Variants in CSMD3 observed in about 807,000 individuals in gnomAD.
CSMD3 encodes CUB and Sushi multiple domains 3.
In CSMD3, 177 loss-of-function variants were observed where a neutral mutation model predicts 435.2. The ratio of observed to expected loss-of-function variants is 0.41; its 90% CI spans 0.36 to 0.46. The LOEUF is 0.46. Ranked by LOEUF, CSMD3 falls within the 20% of genes least tolerant of loss-of-function variation. The probability of loss-of-function intolerance (pLI) is 0.34; values close to 1 mark genes in which losing one functional copy is unlikely to be tolerated. For synonymous variants in CSMD3, 1,656 were observed against 1,520.5 expected, an observed-to-expected ratio of 1.09 and a Z score of -2.07; for missense variants, 4,265 against 4,504.6, an observed-to-expected ratio of 0.95 and a Z score of 1.52.
chr8:112,630,326 A>G (rs1173469022), intron 22 of CSMD3, among the ~76,000 whole-genome samples: 1 of 152,210 alleles, frequency 6.6e-6, no homozygotes, highest in African/African-American at 2.4e-5. Context: ...CTAGGAAAAA[A>G]GAGGTAACAC....
At chr8:113,123,586 G>A (rs972230568) in intron 4 of CSMD3, among the ~76,000 whole-genome samples, 2 of 151,994 alleles carry the variant, frequency 1.3e-5, no homozygotes, top group African/African-American at 4.8e-5. Context: ...TTTAGGCATA[G>A]GATCAAAACT....
In CSMD3 at chr8:112,263,901, G is replaced by A; in HGVS notation, c.9689-89C>T. The A allele has an allele frequency of 4.2e-6, 5 of 1,186,530 alleles. No individual in the cohort carries two copies. In the South Asian group the frequency reaches 5.0e-5, roughly 12 times the overall value. The allele number at this position is 1,186,530 out of a possible 1,614,324, so 73.5% of individuals were successfully genotyped here. Reference sequence around the variant, plus strand: ...ATAAATATCATTAGAAGAAGCACATGTGCTAATTTAACCTTTTCGAGGACA... The same window carrying A: ...ATAAATATCATTAGAAGAAGCACATATGCTAATTTAACCTTTTCGAGGACA... On this transcript the variant is annotated intron_variant, in intron 60 of 70. Transcript: ENST00000297405.
rs1024964702 is a variant in CSMD3 at position 112,817,059 on chromosome 8, G to A, written c.1859+12627C>T. The stretch of plus-strand genomic sequence containing the variant: ...CTTCTTTAAGATGTTTGCTCAATTC[G>A]ATGTCATCCAACGTTAGTGCATACT... On this transcript the variant is annotated intron_variant, in intron 12 of 70. Coordinates refer to ENST00000297405, the MANE Select transcript of CSMD3 (RefSeq NM_198123.2). Among the ~76,000 whole-genome samples the A allele has an allele frequency of 2.6e-5, 4 of 151,968 alleles. No individual in the cohort carries two copies. The East Asian group carries it at 5.8e-4, about 22-fold the overall frequency.
intron 1 of CSMD3, among the ~76,000 whole-genome samples, chr8:113,366,924 A>G (rs1254816924): frequency 2.0e-5 from 3 of 152,088 alleles, no homozygotes; most frequent in African/African-American, 7.2e-5. Flanking sequence ...TCTCTATAGT[A>G]TTTAAATATA....
chr8:112,312,825 A>ATAT (rs1822112988), intron 49 of CSMD3, among the ~76,000 whole-genome samples: 1 of 152,200 alleles, frequency 6.6e-6, no homozygotes, highest in Admixed American at 6.5e-5. Context: ...TCAAGAGTAT[A>ATAT]CTTTTTAGAA....
intron 1 of CSMD3, among the ~76,000 whole-genome samples, chr8:113,380,969 C>T (rs1297058856): frequency 1.3e-5 from 2 of 152,112 alleles, no homozygotes; most frequent in East Asian, 3.8e-4. Context: ...CTGCTTCTCA[C>T]TTCTTCCCTC....
chr8:112,543,641 G>T (rs1333990797), intron 27 of CSMD3, among the ~76,000 whole-genome samples: 3 of 152,036 alleles, frequency 2.0e-5, no homozygotes, highest in Non-Finnish European at 4.4e-5. Context: ...ACGCAAAATG[G>T]TGCCAGCCAC....
At chr8:112,406,469 C>A in intron 35 of CSMD3, 55 bp downstream of exon 35, 1 of 1,238,560 alleles carries the variant, frequency 8.1e-7, no homozygotes, top group South Asian at 1.4e-5. Flanking sequence ...AAAGATGTAA[C>A]CAATTTTTAT....
At chr8:112,831,323 T>A (rs959284329) in intron 11 of CSMD3, among the ~76,000 whole-genome samples, 1 of 115,580 alleles carries the variant, frequency 8.7e-6, no homozygotes. Flanking sequence ...CCATTTTCTT[T>A]CTTTTTTTTT....
intron 5 of CSMD3, among the ~76,000 whole-genome samples, chr8:113,091,679 A>G (rs922223598): frequency 1.3e-5 from 2 of 149,656 alleles, no homozygotes; most frequent in Non-Finnish European, 3.0e-5. Context: ...TCTCTCTTTT[A>G]CTTTAGTCTG....
intron 3 of CSMD3, among the ~76,000 whole-genome samples, chr8:113,235,555 T>G (rs2093138566): frequency 6.6e-6 from 1 of 152,148 alleles, no homozygotes; most frequent in Admixed American, 6.6e-5. Flanking sequence ...ATGGGCATTA[T>G]GATCTAGGAT....
chr8:112,943,256 A>T (rs1017498830), intron 9 of CSMD3, among the ~76,000 whole-genome samples: 10 of 151,602 alleles, frequency 6.6e-5, no homozygotes, highest in African/African-American at 1.9e-4. Context: ...TAATTTGCAA[A>T]TTTTTTTCCA....
chr8:112,535,136 C>G (rs1361465085), intron 27 of CSMD3, among the ~76,000 whole-genome samples: 1 of 152,018 alleles, frequency 6.6e-6, no homozygotes, highest in Non-Finnish European at 1.5e-5. Flanking sequence ...TCTCTCACCA[C>G]TCCTATTCAA....
At chr8:112,785,374 A>G (rs746580707) in intron 13 of CSMD3, among the ~76,000 whole-genome samples, 4 of 152,042 alleles carry the variant, frequency 2.6e-5, no homozygotes, top group African/African-American at 4.8e-5. Context: ...CACTTTCACC[A>G]CTATTATTCA....
intron 53 of CSMD3, among the ~76,000 whole-genome samples, chr8:112,296,943 G>A (rs562679888): frequency 1.8e-4 from 28 of 151,802 alleles, no homozygotes; most frequent in Admixed American, 1.6e-3. Flanking sequence ...ATAAGGGAAT[G>A]CTAAAAACAG....
intron 12 of CSMD3, among the ~76,000 whole-genome samples, chr8:112,801,272 T>C (rs933205994): frequency 4.6e-5 from 7 of 152,042 alleles, no homozygotes; most frequent in African/African-American, 1.7e-4. Context: ...GGCTCTACTA[T>C]GAATACACCA....
At chr8:113,252,939 G>A (rs1267124883) in intron 3 of CSMD3, among the ~76,000 whole-genome samples, 2 of 152,164 alleles carry the variant, frequency 1.3e-5, no homozygotes, top group Non-Finnish European at 2.9e-5. Context: ...ATTTAAGAAT[G>A]AGGGCGTAAG....
intron 34 of CSMD3, among the ~76,000 whole-genome samples, chr8:112,407,650 T>C (rs1006122579): frequency 3.3e-5 from 5 of 152,032 alleles, no homozygotes; most frequent in Non-Finnish European, 5.9e-5. Flanking sequence ...GAAGGTTTAA[T>C]AGGAATAACA....
chr8:113,158,898 G>A (rs1378329419), intron 4 of CSMD3, among the ~76,000 whole-genome samples: 1 of 151,810 alleles, frequency 6.6e-6, no homozygotes. Flanking sequence ...GAAATGTGAC[G>A]GAAAAAATAA....
Sources: allele counts gnomAD v4.1 joint callset (sites outside exome capture counted in the v4.1 genomes callset), GRCh38; gene constraint gnomAD v4.1.1; transcripts MANE v1.5; gene names NCBI Gene and HGNC (gene_info 2026-07-23, HGNC 2026-07-21).